SRGAP1: variants seen among roughly 807,000 people sequenced by gnomAD.
SRGAP1 encodes SLIT-ROBO Rho GTPase activating protein 1.
SRGAP1 carries 43 observed loss-of-function variants against 121.9 expected under a neutral mutation model. That is an observed-to-expected ratio of 0.35 (90% CI 0.28 to 0.46). The LOEUF (loss-of-function observed/expected upper bound fraction) is 0.46, where lower values mean the gene tolerates loss of function less well. Among genes scored for constraint, SRGAP1 ranks in the 20% least tolerant of loss-of-function variants. The probability of loss-of-function intolerance (pLI) is 1.00; values close to 1 mark genes in which losing one functional copy is unlikely to be tolerated. For missense variants in SRGAP1, 1,102 were observed against 1,350.9 expected (o/e 0.82, Z 2.89); for synonymous variants, 447 against 485.4 (o/e 0.92, Z 1.04).
In SRGAP1 at chr12:64,147,770, C is replaced by A. The variant is rs976806962; in HGVS notation, c.*5098C>A. 3.0e-5 allele frequency: 12 copies of A among 397,772 alleles called. No individual in the cohort carries two copies. The highest frequency in any genetic ancestry group is 4.9e-5 in the Non-Finnish European group (11 of 225,968). 24.6% of individuals were successfully genotyped at this position (397,772 alleles called of 1,614,324 possible). Reference sequence around the variant, plus strand: ...CATTTTTGGCATGTACCATTACAGGCTTCAGTATACAGTCAGGTTTGTTCT... The same window carrying A: ...CATTTTTGGCATGTACCATTACAGGATTCAGTATACAGTCAGGTTTGTTCT... On this transcript the variant is annotated 3_prime_UTR_variant, in exon 22 of 22. Coordinates refer to ENST00000355086, the MANE Select transcript of SRGAP1 (RefSeq NM_020762.4).
chr12:64,027,557 C>T (rs1354366933), intron 4 of SRGAP1, among the ~76,000 whole-genome samples: 1 of 152,018 alleles, frequency 6.6e-6, no homozygotes, highest in Non-Finnish European at 1.5e-5. Context: ...GGAAAAAGCA[C>T]AAAGTACATT....
intron 1 of SRGAP1, among the ~76,000 whole-genome samples, chr12:63,932,258 A>G (rs1357021850): frequency 6.6e-6 from 1 of 152,178 alleles, no homozygotes; most frequent in Non-Finnish European, 1.5e-5. Context: ...TCTAGCCTGG[A>G]CAACAGAGCT....
intron 18 of SRGAP1, among the ~76,000 whole-genome samples, chr12:64,116,708 T>G (rs1178340570): frequency 6.6e-6 from 1 of 152,216 alleles, no homozygotes; most frequent in Non-Finnish European, 1.5e-5. Context: ...TTAGGACATT[T>G]TGAACATGTC....
At chr12:63,875,765 C>T (rs1272112521) in intron 1 of SRGAP1, among the ~76,000 whole-genome samples, 1 of 152,170 alleles carries the variant, frequency 6.6e-6, no homozygotes, top group Admixed American at 6.5e-5. Flanking sequence ...TAATTTGAAT[C>T]TGTAGTTGAT....
chr12:64,025,736 T>C (rs1009163019), intron 4 of SRGAP1, among the ~76,000 whole-genome samples: 1 of 152,202 alleles, frequency 6.6e-6, no homozygotes, highest in Admixed American at 6.5e-5. Flanking sequence ...CTTTGATTGC[T>C]AGACACTTCA....
intron 1 of SRGAP1, among the ~76,000 whole-genome samples, chr12:63,866,932 G>A (rs965033236): frequency 5.9e-5 from 9 of 151,376 alleles, no homozygotes; most frequent in Non-Finnish European, 1.2e-4. Flanking sequence ...GCAGTGGCAC[G>A]CTCATGGCTC....
chr12:64,032,603 G>T lies in SRGAP1; in HGVS notation c.490-10187G>T. ...CACATAAGTCCTGCCCCCGACAGCT[G>T]ACAACAAGCCCCCACAGTCACTTTT... On this transcript the variant is annotated intron_variant, in intron 4 of 21. Coordinates refer to ENST00000355086, the MANE Select transcript of SRGAP1 (RefSeq NM_020762.4). 5.3e-6 allele frequency: 3 copies of T among 561,808 alleles called. No individual in the cohort carries two copies. In the South Asian group the frequency reaches 7.3e-5, roughly 14 times the overall value. The allele number at this position is 561,808 out of a possible 1,614,324, so 34.8% of individuals were successfully genotyped here. A position where few individuals can be genotyped will look rare whatever the true frequency, so the allele number is the denominator to read the frequency against.
intron 11 of SRGAP1, among the ~76,000 whole-genome samples, chr12:64,090,077 A>C (rs932508065): frequency 6.6e-6 from 1 of 152,218 alleles, no homozygotes; most frequent in Non-Finnish European, 1.5e-5. Flanking sequence ...GGAGTTTTAC[A>C]TTAAAACATC....
intron 8 of SRGAP1, among the ~76,000 whole-genome samples, chr12:64,068,345 AT>A (rs1054408381): frequency 2.0e-5 from 3 of 150,982 alleles, no homozygotes; most frequent in African/African-American, 4.9e-5. Flanking sequence ...TGAAAAAAAA[AT>A]TTTTTTTGAG....
intron 1 of SRGAP1, among the ~76,000 whole-genome samples, chr12:63,941,505 G>A (rs2031866640): frequency 6.6e-6 from 1 of 152,136 alleles, no homozygotes; most frequent in Admixed American, 6.5e-5. Context: ...AAGAGGTGAA[G>A]CTCATGGTTT....
At chr12:64,048,307 C>T (rs1321220912) in intron 6 of SRGAP1, among the ~76,000 whole-genome samples, 2 of 152,100 alleles carry the variant, frequency 1.3e-5, no homozygotes, top group Non-Finnish European at 2.9e-5. Context: ...CCAGTTCCAC[C>T]CATGTTGTTG....
intron 6 of SRGAP1, among the ~76,000 whole-genome samples, chr12:64,046,808 A>G (rs1256094388): frequency 6.6e-6 from 1 of 152,152 alleles, no homozygotes; most frequent in Non-Finnish European, 1.5e-5. Context: ...AGTCATTACC[A>G]TCATTGTCAT....
chr12:63,961,273 C>G (rs1345590740), intron 1 of SRGAP1, among the ~76,000 whole-genome samples: 1 of 152,216 alleles, frequency 6.6e-6, no homozygotes. Context: ...GCAGCACGCT[C>G]CATTGGACAG....
At position 64,097,338 on chromosome 12, in the gene SRGAP1, T is replaced by C. The variant is rs201427870; in HGVS notation, c.1776T>C (p.Phe592=). The C allele has an allele frequency of 3.1e-6, 5 of 1,613,510 alleles. No individual in the cohort carries two copies. In the East Asian group the frequency reaches 1.1e-4, roughly 36 times the overall value. Residue 592 remains phenylalanine (F), a synonymous_variant, in exon 15 of 22, where the codon TTT becomes TTC. Transcript: ENST00000355086. ...TCCGTGGGCTGGAAAACCCCCTCTT[T>C]CCTAAGGAAAGATTTAACGATCTGA... ...LYFRGLENPL[F]PKERFNDLIS... is the part of the protein sequence containing the mutation.
intron 14 of SRGAP1, among the ~76,000 whole-genome samples, chr12:64,095,612 C>T (rs1249705574): frequency 6.6e-6 from 1 of 152,142 alleles, no homozygotes; most frequent in African/African-American, 2.4e-5. Context: ...AGACTCCTTC[C>T]CTGTGACCCT....
intron 21 of SRGAP1, among the ~76,000 whole-genome samples, chr12:64,138,932 T>A (rs2036909191): frequency 6.6e-6 from 1 of 152,148 alleles, no homozygotes; most frequent in Non-Finnish European, 1.5e-5. Context: ...GTCATACTGT[T>A]CCAATCAAAA....
At chr12:63,917,720 G>C (rs2030850168) in intron 1 of SRGAP1, among the ~76,000 whole-genome samples, 1 of 152,142 alleles carries the variant, frequency 6.6e-6, no homozygotes, top group Admixed American at 6.5e-5. Context: ...TTCAGAACCT[G>C]CTTAGGCCCA....
At chr12:64,090,934 C>T (rs1874314) in intron 11 of SRGAP1, among the ~76,000 whole-genome samples, 27,513 of 152,152 alleles carry the variant, frequency 0.18, 3,205 homozygotes, top group East Asian at 0.56. Context: ...TTGTATCTTA[C>T]TGTGTGACTT....
At chr12:63,845,324 T>C (rs546591361) in intron 1 of SRGAP1, among the ~76,000 whole-genome samples, 7 of 152,330 alleles carry the variant, frequency 4.6e-5, no homozygotes, top group Admixed American at 2.6e-4. Flanking sequence ...TACAGCCTCA[T>C]TGAGTGCAGG....
Sources: gnomAD v4.1 joint callset for allele counts (sites outside exome capture counted in the v4.1 genomes callset) on GRCh38, gnomAD v4.1.1 for gene constraint, MANE v1.5 for transcripts, NCBI Gene and HGNC (gene_info 2026-07-23, HGNC 2026-07-21) for gene names.